ZNF500: variants seen among roughly 807,000 people sequenced by gnomAD.
The protein encoded by ZNF500 is zinc finger protein 500, also known as zinc finger protein with KRAB and SCAN domains 18.
Under a neutral mutation model 30.1 loss-of-function variants are expected in ZNF500, and 31 were observed. The ratio of observed to expected loss-of-function variants is 1.03; its 90% CI spans 0.77 to 1.39. The LOEUF is 1.39. Ranked by LOEUF, ZNF500 falls within the 40% of genes most tolerant of loss-of-function variation. The pLI, the probability that ZNF500 is intolerant of heterozygous loss-of-function variation, is 0.00. For synonymous variants in ZNF500, 392 were observed against 282.0 expected, an observed-to-expected ratio of 1.39 and a Z score of -3.91; for missense variants, 817 against 657.8, an observed-to-expected ratio of 1.24 and a Z score of -2.65.
At chr16:4,761,986 T>C (rs2082206919) in intron 4 of ZNF500, among the ~76,000 whole-genome samples, 1 of 152,214 alleles carries the variant, frequency 6.6e-6, no homozygotes, top group South Asian at 2.1e-4. Flanking sequence ...AAGAGATTCC[T>C]GTGCCCAGCA....
intron 2 of ZNF500, chr16:4,763,965 G>T (rs911116807): frequency 2.0e-6 from 2 of 985,450 alleles, no homozygotes; most frequent in Non-Finnish European, 2.4e-6. Flanking sequence ...TCCACGCAAG[G>T]CCCTGAAAAA....
At position 4,751,577 on chromosome 16, in the gene ZNF500, G is replaced by A; in HGVS notation, c.*799C>T. ...TGAAGAAGCTGGAGACCACGTCCTG[G>A]GAAGGCTGGGGTACAGCAGGGCTCC... On this transcript the variant is annotated 3_prime_UTR_variant, in exon 6 of 6. Coordinates refer to ENST00000219478, the MANE Select transcript of ZNF500 (RefSeq NM_021646.4). 1 of 1,533,976 alleles carries A rather than the reference G, an allele frequency of 6.5e-7. No individual in the cohort carries two copies. The highest frequency in any genetic ancestry group is 8.7e-7 in the Non-Finnish European group (1 of 1,146,380).
downstream of ZNF500, chr16:4,747,466 AG>A (rs1353208252): frequency 1.2e-6 from 2 of 1,613,154 alleles, no homozygotes; most frequent in African/African-American, 2.7e-5. Context: ...CTGAAGACAC[AG>A]CTGGATCACG....
At chr16:4,757,312 C>T (rs958837404) in intron 5 of ZNF500, among the ~76,000 whole-genome samples, 48 of 152,084 alleles carry the variant, frequency 3.2e-4, no homozygotes, top group Non-Finnish European at 5.6e-4. Context: ...GGCCAGGTAC[C>T]AACCTAATTT....
At chr16:4,762,954 C>A (rs2082223655) in intron 2 of ZNF500, 198 bp from the exon 3 acceptor site, 1 of 985,312 alleles carries the variant, frequency 1.0e-6, no homozygotes, top group Admixed American at 6.2e-5. Context: ...CATGGTCTCT[C>A]CCTGTCACCA....
At chr16:4,757,453 C>T (rs1039501842) in intron 5 of ZNF500, among the ~76,000 whole-genome samples, 6 of 152,024 alleles carry the variant, frequency 3.9e-5, no homozygotes, top group East Asian at 1.9e-4. Flanking sequence ...GCTGGGACTA[C>T]AGGCATGCAC....
downstream of ZNF500, chr16:4,744,925 C>T (rs1483436992): frequency 5.0e-6 from 8 of 1,613,890 alleles, no homozygotes; most frequent in South Asian, 1.1e-5. Flanking sequence ...CCCTCCTGTG[C>T]ACCACGCAGT....
chr16:4,754,179 G>A (rs368068763), intron 5 of ZNF500, among the ~76,000 whole-genome samples: 53 of 152,288 alleles, frequency 3.5e-4, no homozygotes, highest in African/African-American at 1.2e-3. Flanking sequence ...GTAGGCACAC[G>A]CCATGCTGAC....
chr16:4,760,508 CG>C lies in ZNF500; in HGVS notation c.743del (p.Ala248GlyfsTer24), dbSNP rs746382984. On this transcript the variant is annotated frameshift_variant, in exon 5 of 6. Transcript: ENST00000219478. LOFTEE classifies it low-confidence loss of function (END_TRUNC). ...GCAAGTTACCTTCATTCTCCAGCGG[CG>C]CGTCCCGCTGAGCTGGGTCCATGCA... is the stretch of plus-strand genomic sequence containing the variant. ...PRCMDPAQRDAPLENEGPGIQ... is the reference protein window; with the variant it reads ...PRCMDPAQRDXPLENEGPGIQ... 23 of 1,613,486 alleles carry C rather than the reference CG, an allele frequency of 1.4e-5. No homozygotes were observed. The highest frequency in any genetic ancestry group is 1.7e-5 in the Non-Finnish European group (20 of 1,179,738).
At chr16:4,747,503 C>T (rs943343341), downstream of ZNF500, 6 of 1,613,192 alleles carry the variant, frequency 3.7e-6, no homozygotes, top group Non-Finnish European at 5.1e-6. Flanking sequence ...ACACATGAAG[C>T]TCTGTGCCAA....
downstream of ZNF500, chr16:4,747,302 C>A: frequency 1.3e-6 from 2 of 1,519,490 alleles, no homozygotes; most frequent in Non-Finnish European, 1.8e-6. Context: ...GGAGGGGCGG[C>A]CCCCACGGGG....
chr16:4,761,934 C>G (rs896063558), intron 4 of ZNF500, among the ~76,000 whole-genome samples: 2 of 152,178 alleles, frequency 1.3e-5, no homozygotes, highest in African/African-American at 4.8e-5. Flanking sequence ...CCCATTCCAG[C>G]CCAGCGGTGT....
In ZNF500 at chr16:4,752,842, G is replaced by C; in HGVS notation, c.977C>G (p.Thr326Ser). 1.2e-6 allele frequency: 2 copies of C among 1,614,252 alleles called. No individual in the cohort carries two copies. Among genetic ancestry groups the C allele is most frequent in the Non-Finnish European group, 8.5e-7 (1 of 1,180,046 alleles). Residue 326 changes from threonine (T) to serine (S), a missense_variant, in exon 6 of 6, where the codon ACC becomes AGC. By Grantham distance (58) the Thr-to-Ser change is moderately conservative. Transcript: ENST00000219478. Reference protein sequence around the residue: ...RASHGADKPYTCPECGKGFSK... With the variant: ...RASHGADKPYSCPECGKGFSK... ...GAAGCCTTTGCCACATTCGGGGCAGGTGTACGGCTTGTCAGCCCCATGGGA... is the reference window on the plus strand; with the variant it reads ...GAAGCCTTTGCCACATTCGGGGCAGCTGTACGGCTTGTCAGCCCCATGGGA...
chr16:4,750,516 G>A lies in ZNF500; in HGVS notation c.*1860C>T, dbSNP rs1596491847. On this transcript the variant is annotated 3_prime_UTR_variant, in exon 6 of 6. Coordinates refer to ENST00000219478, the MANE Select transcript of ZNF500 (RefSeq NM_021646.4). ...CTAATTTTTTTTTTTTTTGTGTGGA[G>A]TCTCGTTCTATCACCAGGCTGGAGT... 1 of 146,324 alleles carries A rather than the reference G, an allele frequency of 6.8e-6. No homozygotes were observed. The highest frequency in any genetic ancestry group is 2.5e-5 in the African/African-American group (1 of 39,706). The allele number at this position is 146,324 out of a possible 1,614,324, so 9.1% of individuals were successfully genotyped here.
intron 3 of ZNF500, 113 bp downstream of exon 3, chr16:4,762,460 C>A: frequency 6.6e-7 from 1 of 1,512,216 alleles, no homozygotes; most frequent in Non-Finnish European, 8.9e-7. Context: ...TGCTGGAGAG[C>A]CTGTGCACCC....
At chr16:4,746,975 G>T, downstream of ZNF500, 1 of 1,551,102 alleles carries the variant, frequency 6.4e-7, no homozygotes, top group South Asian at 1.2e-5. Context: ...AGGAAGAGAT[G>T]GCAGCTCTGG....
rs1460843297 is a variant in ZNF500 at position 4,750,322 on chromosome 16, A to C, written c.*2054T>G. ...ACACAGGGGCCAGAAGCAATGACTTAAAAAAAAAATTGTTTATTTTATCTG... is the reference window on the plus strand; with the variant it reads ...ACACAGGGGCCAGAAGCAATGACTTCAAAAAAAAATTGTTTATTTTATCTG... On this transcript the variant is annotated 3_prime_UTR_variant, in exon 6 of 6. Coordinates refer to ENST00000219478, the MANE Select transcript of ZNF500 (RefSeq NM_021646.4). The C allele has an allele frequency of 6.6e-6, 1 of 150,816 alleles. No homozygotes were observed. Among genetic ancestry groups the C allele is most frequent in the East Asian group, 1.9e-4 (1 of 5,162 alleles). 9.3% of individuals were successfully genotyped at this position (150,816 alleles called of 1,614,324 possible).
At chr16:4,766,780 C>A (rs994947579) in intron 1 of ZNF500, 5 of 152,264 alleles carry the variant, frequency 3.3e-5, no homozygotes, top group African/African-American at 9.6e-5. Flanking sequence ...CCAGGTCTGG[C>A]GAACCCTGAA....
In ZNF500 at chr16:4,752,243, C is replaced by T; in HGVS notation, c.*133G>A. On this transcript the variant is annotated 3_prime_UTR_variant, in exon 6 of 6. Coordinates refer to ENST00000219478, the MANE Select transcript of ZNF500 (RefSeq NM_021646.4). The stretch of plus-strand genomic sequence containing the variant: ...CTGCGGCCTGGGCATCCCAAATGTC[C>T]CCTGCTGGCCTCATACTGGGCCATG... The T allele has an allele frequency of 7.0e-7, 1 of 1,424,652 alleles. No homozygotes were observed. The highest frequency in any genetic ancestry group is 9.1e-7 in the Non-Finnish European group (1 of 1,095,274). 88.3% of individuals were successfully genotyped at this position (1,424,652 alleles called of 1,614,324 possible).
Sources: allele counts gnomAD v4.1 joint callset (sites outside exome capture counted in the v4.1 genomes callset), GRCh38; gene constraint gnomAD v4.1.1; transcripts MANE v1.5; gene names NCBI Gene and HGNC (gene_info 2026-07-23, HGNC 2026-07-21).